The following SPMIP11 variants were observed in gnomAD, a reference collection of about 807,000 sequenced individuals.
SPMIP11 encodes the protein sperm microtubule inner protein 11.
At chr12:48,769,171 G>C in the SPMIP11 span, 2 of 1,203,962 alleles carry the variant, frequency 1.7e-6, no homozygotes, top group Non-Finnish European at 2.2e-6. Flanking sequence ...ATGGAAAAAG[G>C]ACAAGTCTCC....
chr12:48,748,206 C>T, the SPMIP11 span, among the ~76,000 whole-genome samples: 418 of 152,294 alleles, frequency 2.7e-3, 6 homozygotes, highest in Middle Eastern at 0.02. Context: ...AATGAATAAA[C>T]TGGTTCCTTT....
chr12:48,733,186 T>C, the SPMIP11 span, among the ~76,000 whole-genome samples: 242 of 149,722 alleles, frequency 1.6e-3, no homozygotes, highest in African/African-American at 5.9e-3. Context: ...ACAATTCTCC[T>C]GCCTCAGCCT....
the SPMIP11 span, chr12:48,768,510 T>G: frequency 1.2e-6 from 2 of 1,604,580 alleles, no homozygotes; most frequent in Non-Finnish European, 1.7e-6. Context: ...CAGTGCCCCC[T>G]GCCACAGCTC....
chr12:48,746,214 G>A, the SPMIP11 span, among the ~76,000 whole-genome samples: 15 of 152,246 alleles, frequency 9.9e-5, no homozygotes, highest in South Asian at 1.9e-3. Flanking sequence ...TGCTCAGCTT[G>A]CAGAGTGCTT....
At chr12:48,743,827 G>A in the SPMIP11 span, among the ~76,000 whole-genome samples, 1 of 151,370 alleles carries the variant, frequency 6.6e-6, no homozygotes. Context: ...AGCTACTCAG[G>A]AGGCTGAGGC....
the SPMIP11 span, among the ~76,000 whole-genome samples, chr12:48,742,568 G>A: frequency 0.015 from 2,242 of 151,954 alleles, 19 homozygotes; most frequent in Middle Eastern, 0.041. Flanking sequence ...GCCCGTGCCC[G>A]GCCTCAGCTT....
the SPMIP11 span, chr12:48,768,377 A>T: frequency 1.2e-5 from 8 of 665,382 alleles, no homozygotes; most frequent in Non-Finnish European, 2.0e-5. Context: ...AGTAAGAAAG[A>T]AAGTCACTTG....
chr12:48,743,933 C>CAAAAAAAAAAAAAAAAAAAA, the SPMIP11 span, among the ~76,000 whole-genome samples: 4 of 34,890 alleles, frequency 1.1e-4, no homozygotes, highest in African/African-American at 4.5e-4. Flanking sequence ...GACTTCGTCT[C>CAAAAAAAAAAAAAAAAAAAA]AAAAAAAAAA....
At chr12:48,728,529 A>T in the SPMIP11 span, among the ~76,000 whole-genome samples, 2 of 152,134 alleles carry the variant, frequency 1.3e-5, no homozygotes, top group South Asian at 4.1e-4. Context: ...TAACACGGTG[A>T]AACCCCGTCT....
At chr12:48,730,736 G>A in the SPMIP11 span, among the ~76,000 whole-genome samples, 1 of 151,986 alleles carries the variant, frequency 6.6e-6, no homozygotes, top group Non-Finnish European at 1.5e-5. Context: ...TCAGGAGTTC[G>A]AGACCAGCCT....
At chr12:48,769,953 G>T in the SPMIP11 span, among the ~76,000 whole-genome samples, 1 of 151,840 alleles carries the variant, frequency 6.6e-6, no homozygotes, top group African/African-American at 2.4e-5. Flanking sequence ...AGTAGAGACG[G>T]AATTTCACCG....
At chr12:48,741,688 G>C in the SPMIP11 span, among the ~76,000 whole-genome samples, 11 of 149,556 alleles carry the variant, frequency 7.4e-5, no homozygotes, top group African/African-American at 2.7e-4. Flanking sequence ...CTGTTGCTCA[G>C]GCTTGAGTGC....
chr12:48,745,009 G>A, the SPMIP11 span, among the ~76,000 whole-genome samples: 3 of 152,110 alleles, frequency 2.0e-5, no homozygotes, highest in Non-Finnish European at 4.4e-5. Context: ...GGTGGCTCAC[G>A]CCTGTAATCC....
At chr12:48,728,843 A>C in the SPMIP11 span, among the ~76,000 whole-genome samples, 4 of 152,298 alleles carry the variant, frequency 2.6e-5, no homozygotes, top group African/African-American at 4.8e-5. Flanking sequence ...GCTGGGAGGC[A>C]GACGTTGAAA....
chr12:48,737,486 C>T, the SPMIP11 span, among the ~76,000 whole-genome samples: 3 of 150,374 alleles, frequency 2.0e-5, no homozygotes, highest in Admixed American at 6.7e-5. Context: ...GTGATCTCGG[C>T]TCACAACAAT....
chr12:48,737,078 T>C, the SPMIP11 span, among the ~76,000 whole-genome samples: 1 of 151,920 alleles, frequency 6.6e-6, no homozygotes, highest in African/African-American at 2.4e-5. Context: ...GCCTCCTTAG[T>C]GGCTGGAACT....
At chr12:48,745,618 GA>G in the SPMIP11 span, among the ~76,000 whole-genome samples, 1 of 152,178 alleles carries the variant, frequency 6.6e-6, no homozygotes, top group African/African-American at 2.4e-5. Flanking sequence ...AATTTCAGAT[GA>G]ATTAGAGAGT....
chr12:48,739,840 A>G, the SPMIP11 span, among the ~76,000 whole-genome samples: 1 of 152,224 alleles, frequency 6.6e-6, no homozygotes, highest in Non-Finnish European at 1.5e-5. Flanking sequence ...GGGTAGGGAC[A>G]TAAATCCAAA....
chr12:48,735,003 C>CAAAA, the SPMIP11 span, among the ~76,000 whole-genome samples: 788 of 83,814 alleles, frequency 9.4e-3, 41 homozygotes, highest in East Asian at 0.11. Flanking sequence ...GACTCTGTCT[C>CAAAA]AAAAAAAAAA....
Sources: allele counts gnomAD v4.1 joint callset (sites outside exome capture counted in the v4.1 genomes callset), GRCh38; gene constraint gnomAD v4.1.1; transcripts MANE v1.5; gene names NCBI Gene and HGNC (gene_info 2026-07-23, HGNC 2026-07-21).